Variants in ATP2A3 observed in about 807,000 individuals in gnomAD.
The protein encoded by ATP2A3 is sarcoplasmic/endoplasmic reticulum calcium ATPase 3.
Under a neutral mutation model 106.8 loss-of-function variants are expected in ATP2A3, and 61 were observed. The ratio of observed to expected loss-of-function variants is 0.57; its 90% CI spans 0.46 to 0.71. The LOEUF (loss-of-function observed/expected upper bound fraction) is 0.71. Ranked by LOEUF, ATP2A3 falls within the 30% of genes least tolerant of loss-of-function variation. The pLI is 0.00. For synonymous variants in ATP2A3, 611 were observed against 609.3 expected, an observed-to-expected ratio of 1.00 and a Z score of -0.04; for missense variants, 1,201 against 1,423.5, an observed-to-expected ratio of 0.84 and a Z score of 2.52.
intron 20 of ATP2A3, chr17:3,927,552 G>A (rs1597558137): frequency 2.0e-6 from 2 of 985,462 alleles, no homozygotes; most frequent in East Asian, 1.1e-4. Context: ...CCAGTGCAGG[G>A]ATGCCTTGGG....
At chr17:3,949,825 C>T (rs539005310) in intron 7 of ATP2A3, among the ~76,000 whole-genome samples, 1 of 152,268 alleles carries the variant, frequency 6.6e-6, no homozygotes, top group East Asian at 1.9e-4. Context: ...CATGTATTGT[C>T]AAGAATCGAT....
In ATP2A3 at chr17:3,925,078, A is replaced by G; in HGVS notation, c.*344T>C. On this transcript the variant is annotated 3_prime_UTR_variant, in exon 21 of 21. Coordinates refer to ENST00000397041, the MANE Select transcript of ATP2A3 (RefSeq NM_005173.4). The surrounding 1 kb of genome is among the most constrained non-coding windows in gnomAD (Gnocchi z 4.2). ...GGAGCAAGCTCCAGCTGCACTCGTGATTTGGGGGTGGGGGGGCCCCGGATC... is the reference window on the plus strand; with the variant it reads ...GGAGCAAGCTCCAGCTGCACTCGTGGTTTGGGGGTGGGGGGGCCCCGGATC... 1 of 510,666 alleles carries G rather than the reference A, an allele frequency of 2.0e-6. No homozygotes were observed. Among genetic ancestry groups the G allele is most frequent in the Non-Finnish European group, 3.6e-6 (1 of 280,456 alleles). 31.6% of individuals were successfully genotyped at this position (510,666 alleles called of 1,614,324 possible).
At chr17:3,927,318 CTT>C in intron 20 of ATP2A3, 1 of 985,482 alleles carries the variant, frequency 1.0e-6, no homozygotes, top group Non-Finnish European at 1.2e-6. Flanking sequence ...AATTTTCTCA[CTT>C]TTAAGTTTTC....
At position 3,943,504 on chromosome 17, in the gene ATP2A3, T is replaced by A; in HGVS notation, c.1306A>T (p.Lys436Ter). 6.2e-7 allele frequency: 1 copy of A among 1,613,954 alleles called. No homozygotes were observed. Among genetic ancestry groups the A allele is most frequent in the Non-Finnish European group, 8.5e-7 (1 of 1,179,942 alleles). Residue 436 changes from lysine to a stop codon, truncating the protein, a stop_gained, in exon 11 of 21, where the codon AAG becomes TAG. Transcript: ENST00000397041. LOFTEE classifies it high-confidence loss of function. ...GCTGTCTCCGTGGCCTCTCCCACCTTCTCATACACACCCTTGGCCTGGCAA... is the reference window on the plus strand; with the variant it reads ...GCTGTCTCCGTGGCCTCTCCCACCTACTCATACACACCCTTGGCCTGGCAA... ...DYNEAKGVYEKVGEATETALT... is the reference protein window; with the variant it reads ...DYNEAKGVYE
In ATP2A3 at chr17:3,950,640, C is replaced by A. The variant is rs201251392; in HGVS notation, c.545-44G>T. Reference sequence around the variant, plus strand: ...ATGAGAAGCCCCACATGAAGACACGCCCATCCCTTAGTCCTGGCCCACTAG... The same window carrying A: ...ATGAGAAGCCCCACATGAAGACACGACCATCCCTTAGTCCTGGCCCACTAG... On this transcript the variant is annotated intron_variant, in intron 6 of 20. Coordinates refer to ENST00000397041, the MANE Select transcript of ATP2A3 (RefSeq NM_005173.4). 82 of 1,613,608 alleles carry A rather than the reference C, an allele frequency of 5.1e-5. 1 individual carries two copies. Among genetic ancestry groups the A allele is most frequent in the Admixed American group, 2.0e-4 (12 of 60,002 alleles).
rs754597282 is a variant in ATP2A3, at chr17:3,944,799, C to T, written c.1192G>A (p.Gly398Arg). The change falls in exon 10 of 21, where the codon GGG becomes AGG. Residue 398 changes from glycine to arginine, a missense_variant. Coordinates refer to ENST00000397041, the MANE Select transcript of ATP2A3 (RefSeq NM_005173.4). ...TGGCCGCAGCGCACAGGCTGATCCC[C>T]CTGCCGCCTGCGGAGCCGGGGCGGT... ...TYTPEGEVRQGDQPVRCGQFD... is the reference protein window; with the variant it reads ...TYTPEGEVRQRDQPVRCGQFD... 8.7e-6 allele frequency: 14 copies of T among 1,609,908 alleles called. No homozygotes were observed. The highest frequency in any genetic ancestry group is 1.2e-5 in the Non-Finnish European group (14 of 1,178,232).
Position 3,932,071 on chromosome 17 carries a change from G to A in ATP2A3, c.2611-1637C>T, listed in dbSNP as rs111596895. Among the ~76,000 whole-genome samples the A allele has an allele frequency of 3.5e-3, 533 of 152,308 alleles. 2 individuals carry two copies. Among genetic ancestry groups the A allele is most frequent in the Non-Finnish European group, 5.6e-3 (382 of 68,032 alleles). On this transcript the variant is annotated intron_variant, in intron 17 of 20. Coordinates refer to ENST00000397041, the MANE Select transcript of ATP2A3 (RefSeq NM_005173.4). ...CTGATAATCTCTTAAATCGATAGTG[G>A]ACGTTTTCTCCAAAACTCAAGCTCC...
rs930347575 is a variant in ATP2A3 at position 3,931,671 on chromosome 17, G to A, written c.2611-1237C>T. Among the ~76,000 whole-genome samples, 7 of 151,972 alleles carry A rather than the reference G, an allele frequency of 4.6e-5. 1 individual carries two copies. The highest frequency in any genetic ancestry group is 2.1e-4 in the South Asian group (1 of 4,812). ...CAAGTAGCTGGGACTACAGGCGCCC[G>A]CCACCACGCCCGGCTAATTTTTTGT... On this transcript the variant is annotated intron_variant, in intron 17 of 20. Transcript: ENST00000397041.
Position 3,952,454 on chromosome 17 carries a change from G to A in ATP2A3, c.220-769C>T, listed in dbSNP as rs78797204. Reference sequence around the variant, plus strand: ...GAATGGAGGAACAGCAAGGAGATGCGGCAGCCAAGAGGAGGCTGCAAGAGG... The same window carrying A: ...GAATGGAGGAACAGCAAGGAGATGCAGCAGCCAAGAGGAGGCTGCAAGAGG... On this transcript the variant is annotated intron_variant, in intron 3 of 20. Coordinates refer to ENST00000397041, the MANE Select transcript of ATP2A3 (RefSeq NM_005173.4). 7.4e-3 allele frequency among the ~76,000 whole-genome samples: 1,129 copies of A among 152,302 alleles called. 16 individuals are homozygous for A. The highest frequency in any genetic ancestry group is 0.031 in the East Asian group (160 of 5,172).
chr17:3,953,963 G>A lies in ATP2A3; in HGVS notation c.119-253C>T, dbSNP rs991643652. Reference sequence around the variant, plus strand: ...ACTTGGCTCATCGTGGGATGAGTACGGAGCCAAGAGGGTCCTTCCAGCCCC... The same window carrying A: ...ACTTGGCTCATCGTGGGATGAGTACAGAGCCAAGAGGGTCCTTCCAGCCCC... On this transcript the variant is annotated intron_variant, in intron 1 of 20. Coordinates refer to ENST00000397041, the MANE Select transcript of ATP2A3 (RefSeq NM_005173.4). The surrounding 1 kb of genome is among the most constrained non-coding windows in gnomAD (Gnocchi z 5.1). Among the ~76,000 whole-genome samples the A allele has an allele frequency of 3.9e-5, 6 of 152,072 alleles. No homozygotes were observed. In the South Asian group the frequency reaches 8.3e-4, roughly 21 times the overall value.
intron 17 of ATP2A3, among the ~76,000 whole-genome samples, chr17:3,934,517 C>G (rs1227974222): frequency 7.5e-6 from 1 of 132,808 alleles, no homozygotes; most frequent in African/African-American, 3.0e-5. Context: ...AGCCTCCCCT[C>G]GATTCTTTTT....
Position 3,955,263 on chromosome 17 carries a change from C to T in ATP2A3, c.119-1553G>A, listed in dbSNP as rs1432217495. On this transcript the variant is annotated intron_variant, in intron 1 of 20. Transcript: ENST00000397041. The surrounding 1 kb of genome is among the most constrained non-coding windows in gnomAD (Gnocchi z 4.2). ...CATTGGTCCACCTGTTTTTGGCCTACAGGCATTTTTTTTTCCTACGGGAGC... is the reference window on the plus strand; with the variant it reads ...CATTGGTCCACCTGTTTTTGGCCTATAGGCATTTTTTTTTCCTACGGGAGC... Among the ~76,000 whole-genome samples the T allele has an allele frequency of 2.0e-5, 3 of 152,208 alleles. No homozygotes were observed. Among genetic ancestry groups the T allele is most frequent in the South Asian group, 4.1e-4 (2 of 4,830 alleles).
chr17:3,953,154 A>G lies in ATP2A3; in HGVS notation c.219+193T>C. 2 of 648,038 alleles carry G rather than the reference A, an allele frequency of 3.1e-6. No individual in the cohort carries two copies. Among genetic ancestry groups the G allele is most frequent in the South Asian group, 3.5e-5 (2 of 57,518 alleles). 40.1% of individuals were successfully genotyped at this position (648,038 alleles called of 1,614,324 possible). On this transcript the variant is annotated intron_variant, in intron 3 of 20. Coordinates refer to ENST00000397041, the MANE Select transcript of ATP2A3 (RefSeq NM_005173.4). This position sits in a 1 kb window ranked among gnomAD's most constrained non-coding sequence, Gnocchi z 5.1. Reference sequence around the variant, plus strand: ...TGGAGGGGTCAGGTGGGAGCCGGGGACCCAATGTAGGGGCCATGAGGGTTC... The same window carrying G: ...TGGAGGGGTCAGGTGGGAGCCGGGGGCCCAATGTAGGGGCCATGAGGGTTC...
At chr17:3,951,159 C>A in intron 5 of ATP2A3, 92 bp downstream of exon 5, 1 of 1,106,472 alleles carries the variant, frequency 9.0e-7, no homozygotes, top group Non-Finnish European at 1.1e-6. Flanking sequence ...GGCAACAGAG[C>A]ACGACTCCAT....
rs1286092147 is a variant in ATP2A3 at position 3,933,257 on chromosome 17, G to A, written c.2610+1935C>T. Reference sequence around the variant, plus strand: ...GATCGCGCCACTGCACTCCAGCCTGGGTGACAGAGCGAGACTCTGTCTCAA... The same window carrying A: ...GATCGCGCCACTGCACTCCAGCCTGAGTGACAGAGCGAGACTCTGTCTCAA... On this transcript the variant is annotated intron_variant, in intron 17 of 20. Coordinates refer to ENST00000397041, the MANE Select transcript of ATP2A3 (RefSeq NM_005173.4). Among the ~76,000 whole-genome samples, 3 of 151,068 alleles carry A rather than the reference G, an allele frequency of 2.0e-5. 1 individual carries two copies. The highest frequency in any genetic ancestry group is 4.9e-5 in the African/African-American group (2 of 40,488).
Position 3,926,958 on chromosome 17 carries a change from G to C in ATP2A3, c.2981-1517C>G, listed in dbSNP as rs1008779290. ...CTCCCGTGCTTCCCCACTGCCCTGA[G>C]GACAATGTCCAGGGTCTCTACCTTG... On this transcript the variant is annotated intron_variant, in intron 20 of 20. Coordinates refer to ENST00000397041, the MANE Select transcript of ATP2A3 (RefSeq NM_005173.4). The surrounding 1 kb of genome is among the most constrained non-coding windows in gnomAD (Gnocchi z 4.6). 1.0e-6 allele frequency: 1 copy of C among 985,440 alleles called. No individual in the cohort carries two copies. Among genetic ancestry groups the C allele is most frequent in the Non-Finnish European group, 1.2e-6 (1 of 829,934 alleles). The allele number at this position is 985,440 out of a possible 1,614,324, so 61.0% of individuals were successfully genotyped here.
chr17:3,948,090 C>T (rs2054219883), intron 7 of ATP2A3, among the ~76,000 whole-genome samples: 1 of 152,160 alleles, frequency 6.6e-6, no homozygotes, highest in Non-Finnish European at 1.5e-5. Flanking sequence ...ATCCCCAGTG[C>T]CTAGCACGGG....
At position 3,940,961 on chromosome 17, in the gene ATP2A3, G is replaced by T; in HGVS notation, c.2100+10C>A. On this transcript the variant is annotated intron_variant, in intron 14 of 20. Coordinates refer to ENST00000397041, the MANE Select transcript of ATP2A3 (RefSeq NM_005173.4). The stretch of plus-strand genomic sequence containing the variant: ...TCACCCCCTCCTGGGGCTCCAGGCT[G>T]TGGCCTCACCATAGCAGTGATCTCG... The T allele has an allele frequency of 6.2e-7, 1 of 1,613,750 alleles. No homozygotes were observed. Among genetic ancestry groups the T allele is most frequent in the Non-Finnish European group, 8.5e-7 (1 of 1,179,672 alleles).
intron 10 of ATP2A3, among the ~76,000 whole-genome samples, chr17:3,944,282 C>T (rs894230073): frequency 7.9e-5 from 12 of 152,244 alleles, no homozygotes; most frequent in African/African-American, 2.9e-4. Context: ...CGGACTGGGT[C>T]TGGCCAAGGA....
Sources: allele counts gnomAD v4.1 joint callset (sites outside exome capture counted in the v4.1 genomes callset), GRCh38; gene constraint gnomAD v4.1.1; non-coding constraint Gnocchi (gnomAD v3.1); transcripts MANE v1.5; gene names NCBI Gene and HGNC (gene_info 2026-07-23, HGNC 2026-07-21).